P2RX4: variants seen among roughly 807,000 people sequenced by gnomAD.
The protein encoded by P2RX4 is purinergic receptor P2X 4, also known as P2X purinoceptor 4.
P2RX4 carries 37 observed loss-of-function variants against 48.0 expected under a neutral mutation model. That is an observed-to-expected ratio of 0.77 (90% CI 0.59 to 1.01). The LOEUF (loss-of-function observed/expected upper bound fraction) is 1.01, where lower values mean the gene tolerates loss of function less well. P2RX4 is among the 50% of genes least tolerant of loss of function. The pLI is 0.00. For synonymous variants in P2RX4, 200 were observed against 199.7 expected, an observed-to-expected ratio of 1.00 and a Z score of -0.01; for missense variants, 501 against 521.4, an observed-to-expected ratio of 0.96 and a Z score of 0.38.
intron 1 of P2RX4, chr12:121,214,074 C>T (rs951150880): frequency 7.9e-5 from 12 of 152,188 alleles, no homozygotes; most frequent in African/African-American, 2.9e-4. Context: ...TAGTGGCGCA[C>T]ACCTGTGGAC....
chr12:121,210,213 A>G lies in P2RX4; in HGVS notation c.49A>G (p.Thr17Ala). The change falls in exon 1 of 12, where the codon ACG (threonine) becomes GCG (alanine). Residue 17 changes from threonine (T) to alanine (A), a missense_variant. Transcript: ENST00000337233. ...ALAAFLFEYD[T>A]PRIVLIRSRK... The stretch of plus-strand genomic sequence containing the variant: ...GGCGGCCTTCCTGTTCGAGTACGAC[A>G]CGCCGCGCATCGTGCTCATCCGCAG... 1 of 1,556,074 alleles carries G rather than the reference A, an allele frequency of 6.4e-7. No individual in the cohort carries two copies. The highest frequency in any genetic ancestry group is 8.6e-7 in the Non-Finnish European group (1 of 1,156,286).
chr12:121,231,141 C>A (rs1304496768), intron 8 of P2RX4, among the ~76,000 whole-genome samples: 1 of 151,904 alleles, frequency 6.6e-6, no homozygotes, highest in Non-Finnish European at 1.5e-5. Flanking sequence ...GCGCCCGCCA[C>A]CACACCCAGC....
chr12:121,221,915 G>A lies in P2RX4; in HGVS notation c.285G>A (p.Glu95=). Residue 95 remains glutamate (E), a splice_region_variant and synonymous_variant, in exon 3 of 12, where the codon GAG becomes GAA. Transcript: ENST00000337233. ...CCCGTGCTGTCTCCCCTCTGCAGGA[G>A]GAAAACTCCCTCTTCGTCATGACCA... ...DVADYVIPAQ[E]ENSLFVMTNV... 1 of 1,614,138 alleles carries A rather than the reference G, an allele frequency of 6.2e-7. No homozygotes were observed. The highest frequency in any genetic ancestry group is 8.5e-7 in the Non-Finnish European group (1 of 1,180,010).
At chr12:121,233,445 TC>T in intron 11 of P2RX4, 77 bp from the exon 12 acceptor site, 1 of 1,485,188 alleles carries the variant, frequency 6.7e-7, no homozygotes, top group South Asian at 1.2e-5. Flanking sequence ...GGCGGTGAAG[TC>T]CCAGGAGCGC....
intron 8 of P2RX4, among the ~76,000 whole-genome samples, chr12:121,230,906 T>C (rs1887300269): frequency 6.6e-6 from 1 of 151,070 alleles, no homozygotes; most frequent in African/African-American, 2.4e-5. Flanking sequence ...TCGCTCTCTC[T>C]CTCTCTCATA....
chr12:121,215,430 T>A (rs1375785129), intron 1 of P2RX4: 1 of 149,472 alleles, frequency 6.7e-6, no homozygotes, highest in Non-Finnish European at 1.5e-5. Flanking sequence ...TATAAGCTAA[T>A]GCCTGTAGAT....
At chr12:121,222,376 G>A (rs11065488) in intron 4 of P2RX4, 3 of 510,588 alleles carry the variant, frequency 5.9e-6, no homozygotes, top group Non-Finnish European at 1.0e-5. Flanking sequence ...TTTTTTTTTT[G>A]TTGTTGTTGT....
chr12:121,231,361 C>T (rs1281061509), intron 8 of P2RX4, among the ~76,000 whole-genome samples: 1 of 152,178 alleles, frequency 6.6e-6, no homozygotes, highest in Non-Finnish European at 1.5e-5. Flanking sequence ...GTGCAGAATT[C>T]ATAGTTTTCA....
rs201413787 is a variant in P2RX4, at chr12:121,229,064, C to T, written c.849C>T (p.Asp283=). The T allele has an allele frequency of 1.6e-4, 263 of 1,614,122 alleles. No homozygotes were observed. Among genetic ancestry groups the T allele is most frequent in the Non-Finnish European group, 2.2e-4 (254 of 1,180,010 alleles). The change falls in exon 8 of 12, where the codon GAC becomes GAT. Residue 283 remains aspartate, a synonymous_variant. Coordinates refer to ENST00000337233, the MANE Select transcript of P2RX4 (RefSeq NM_002560.3). The surrounding 1 kb of genome is among the most constrained non-coding windows in gnomAD (Gnocchi z 4.6). ...CCTTCCGCCGCCTCGATACACGGGA[C>T]GTTGAGCACAACGTATCTCCTGGCT... ...RYSFRRLDTR[D]VEHNVSPGYN...
chr12:121,221,729 C>G (rs1712677848), intron 2 of P2RX4, among the ~76,000 whole-genome samples, 184 bp from the exon 3 acceptor site: 1 of 152,184 alleles, frequency 6.6e-6, no homozygotes, highest in South Asian at 2.1e-4. Context: ...AAGTGTTGCT[C>G]TGAATATTTA....
chr12:121,222,219 C>G, intron 4 of P2RX4, 53 bp downstream of exon 4: 1 of 1,182,892 alleles, frequency 8.5e-7, no homozygotes, highest in African/African-American at 1.5e-5. Flanking sequence ...ATCGCCCCCA[C>G]TGTGGAGCGT....
chr12:121,222,019 AC>A, intron 3 of P2RX4, 35 bp downstream of exon 3: 1 of 1,599,268 alleles, frequency 6.3e-7, no homozygotes, highest in African/African-American at 1.3e-5. Context: ...CAGGCCCCAC[AC>A]CCCTCTCCAC....
chr12:121,225,603 G>A (rs1390936160), intron 5 of P2RX4, among the ~76,000 whole-genome samples: 1 of 151,658 alleles, frequency 6.6e-6, no homozygotes, highest in African/African-American at 2.4e-5. Flanking sequence ...AGTAGAGAGG[G>A]GGTTTCACTG....
chr12:121,222,102 T>C lies in P2RX4; in HGVS notation c.363T>C (p.Asp121=). The C allele has an allele frequency of 6.2e-7, 1 of 1,609,022 alleles. No homozygotes were observed. The highest frequency in any genetic ancestry group is 2.2e-5 in the East Asian group (1 of 44,662). The change falls in exon 4 of 12, where the codon GAT becomes GAC. Residue 121 remains aspartate (D), a synonymous_variant. Coordinates refer to ENST00000337233, the MANE Select transcript of P2RX4 (RefSeq NM_002560.3). ...GCTCCTTCTTTTTCCAGATTCCAGA[T>C]GCGACCACTGTGTGTAAATCAGATG... ...QTQGLCPEIP[D]ATTVCKSDAS...
chr12:121,225,088 T>C (rs1157628037), intron 5 of P2RX4, among the ~76,000 whole-genome samples: 1 of 151,686 alleles, frequency 6.6e-6, no homozygotes, highest in African/African-American at 2.4e-5. Context: ...TTTTTTTTTT[T>C]TTGAGACGAA....
chr12:121,213,476 T>C (rs1489602456), intron 1 of P2RX4: 1 of 152,228 alleles, frequency 6.6e-6, no homozygotes, highest in East Asian at 1.9e-4. Context: ...ATTGATGACA[T>C]GTTAAAATAT....
intron 1 of P2RX4, among the ~76,000 whole-genome samples, chr12:121,212,253 C>G (rs1040374255): frequency 2.0e-5 from 3 of 152,100 alleles, no homozygotes; most frequent in Non-Finnish European, 4.4e-5. Flanking sequence ...GGATGGCTTT[C>G]CAGGTGCAGA....
At position 121,233,569 on chromosome 12, in the gene P2RX4, C is replaced by A; in HGVS notation, c.*20C>A. 4 of 1,606,264 alleles carry A rather than the reference C, an allele frequency of 2.5e-6. No individual in the cohort carries two copies. The highest frequency in any genetic ancestry group is 2.2e-5 in the South Asian group (2 of 89,694). ...CAGTGAGGCCTACCCCACACCTGGG[C>A]TCTCCACAGCCCCATCAAAGAACAG... is the stretch of plus-strand genomic sequence containing the variant. On this transcript the variant is annotated 3_prime_UTR_variant, in exon 12 of 12. Transcript: ENST00000337233.
chr12:121,232,324 C>T lies in P2RX4; in HGVS notation c.885-90C>T. ...CATTCAGCCGGCAGAGTGGACCATT[C>T]ACCTGTGCCAGCTCCACTCTAACGT... On this transcript the variant is annotated intron_variant, in intron 8 of 11. Transcript: ENST00000337233. This position sits in a 1 kb window ranked among gnomAD's most constrained non-coding sequence, Gnocchi z 4.3. 1.1e-6 allele frequency: 1 copy of T among 911,104 alleles called. No individual in the cohort carries two copies. The highest frequency in any genetic ancestry group is 1.8e-6 in the Non-Finnish European group (1 of 556,074). The allele number at this position is 911,104 out of a possible 1,614,324, so 56.4% of individuals were successfully genotyped here.
Sources: gnomAD v4.1 joint callset for allele counts (sites outside exome capture counted in the v4.1 genomes callset) on GRCh38, gnomAD v4.1.1 for gene constraint, Gnocchi (gnomAD v3.1) non-coding constraint, MANE v1.5 for transcripts, NCBI Gene and HGNC (gene_info 2026-07-23, HGNC 2026-07-21) for gene names.